The following CHMP4C variants were observed in gnomAD, a reference collection of about 807,000 sequenced individuals.
CHMP4C encodes SNF7 homolog associated with Alix 3.
In CHMP4C, 28 loss-of-function variants were observed where a neutral mutation model predicts 29.0. The ratio of observed to expected loss-of-function variants is 0.97; its 90% CI spans 0.72 to 1.32. The LOEUF is 1.32. Among genes scored for constraint, CHMP4C ranks in the 40% most tolerant of loss-of-function variants. The pLI is 0.00. For missense variants in CHMP4C, 291 were observed against 281.0 expected, an observed-to-expected ratio of 1.04 and a Z score of -0.25; for synonymous variants, 106 against 102.4, an observed-to-expected ratio of 1.04 and a Z score of -0.21.
chr8:81,754,451 C>A (rs369439407), intron 2 of CHMP4C, among the ~76,000 whole-genome samples: 11 of 152,168 alleles, frequency 7.2e-5, no homozygotes, highest in Admixed American at 4.6e-4. Context: ...TAAAAGTATT[C>A]TTTTTGATTA....
Position 81,740,194 on chromosome 8 carries a change from A to C in CHMP4C, c.190+7378A>C, listed in dbSNP as rs1808745087. The stretch of plus-strand genomic sequence containing the variant: ...TTCAGGATGGCCTTTGCATGATAGC[A>C]ACCGTGTTTCATCCGCTGAGGCGGC... On this transcript the variant is annotated intron_variant, in intron 1 of 4. Coordinates refer to ENST00000297265, the MANE Select transcript of CHMP4C (RefSeq NM_152284.4). Among the ~76,000 whole-genome samples, 3 of 152,200 alleles carry C rather than the reference A, an allele frequency of 2.0e-5. No homozygotes were observed. The South Asian group carries it at 6.2e-4, about 31-fold the overall frequency.
chr8:81,750,036 T>G (rs1463702698), intron 1 of CHMP4C, among the ~76,000 whole-genome samples: 4 of 152,142 alleles, frequency 2.6e-5, no homozygotes, highest in Non-Finnish European at 5.9e-5. Context: ...TTGGGAAATT[T>G]GCAGCCTGAT....
At position 81,733,417 on chromosome 8, in the gene CHMP4C, C is replaced by G. The variant is rs544082944; in HGVS notation, c.190+601C>G. ...CTGTATGTTTGTATATTAAATTACACATTTTAACTTGCACGTAAATCTTCA... is the reference window on the plus strand; with the variant it reads ...CTGTATGTTTGTATATTAAATTACAGATTTTAACTTGCACGTAAATCTTCA... On this transcript the variant is annotated intron_variant, in intron 1 of 4. Transcript: ENST00000297265. Among the ~76,000 whole-genome samples, 21 of 152,138 alleles carry G rather than the reference C, an allele frequency of 1.4e-4. No homozygotes were observed. In the South Asian group the frequency reaches 4.3e-3, roughly 32 times the overall value.
intron 1 of CHMP4C, among the ~76,000 whole-genome samples, chr8:81,748,680 G>A (rs577884103): frequency 2.0e-5 from 3 of 152,172 alleles, no homozygotes; most frequent in South Asian, 2.1e-4. Flanking sequence ...GCTCACACCT[G>A]TAATCCCAGC....
intron 1 of CHMP4C, among the ~76,000 whole-genome samples, chr8:81,733,748 G>C (rs1031311483): frequency 4.6e-5 from 7 of 152,180 alleles, no homozygotes; most frequent in African/African-American, 1.7e-4. Flanking sequence ...AGAAGTTGAA[G>C]TGATTTGCTC....
chr8:81,740,375 G>A (rs564014284), intron 1 of CHMP4C, among the ~76,000 whole-genome samples: 4 of 152,170 alleles, frequency 2.6e-5, no homozygotes, highest in African/African-American at 4.8e-5. Context: ...CTAGATCCTC[G>A]CATGCTCAGT....
In CHMP4C at chr8:81,732,834, C is replaced by T; in HGVS notation, c.190+18C>T. ...TAAGCGAGGTAGGCTGGGGTCTGGC[C>T]CACAGGCGGGAGCCCATCTGCCTCT... On this transcript the variant is annotated intron_variant, in intron 1 of 4. Coordinates refer to ENST00000297265, the MANE Select transcript of CHMP4C (RefSeq NM_152284.4). The T allele has an allele frequency of 6.2e-7, 1 of 1,605,438 alleles. No individual in the cohort carries two copies.
chr8:81,745,083 A>C (rs1318866680), intron 1 of CHMP4C, among the ~76,000 whole-genome samples: 1 of 152,176 alleles, frequency 6.6e-6, no homozygotes, highest in Non-Finnish European at 1.5e-5. Context: ...TTGAAAACCA[A>C]AACAATGTGC....
chr8:81,751,665 G>T (rs1214290059), intron 1 of CHMP4C, among the ~76,000 whole-genome samples: 1 of 151,838 alleles, frequency 6.6e-6, no homozygotes, highest in Non-Finnish European at 1.5e-5. Context: ...AGAACAAAAA[G>T]CATAACAAAC....
intron 1 of CHMP4C, among the ~76,000 whole-genome samples, chr8:81,737,890 C>T (rs1335472414): frequency 6.6e-6 from 1 of 152,200 alleles, no homozygotes; most frequent in East Asian, 1.9e-4. Context: ...TTCTGGAATA[C>T]CACCAAATAA....
In CHMP4C at chr8:81,758,135, T is replaced by A; in HGVS notation, c.484-7T>A. On this transcript the variant is annotated splice_polypyrimidine_tract_variant and splice_region_variant and intron_variant, in intron 3 of 4. Coordinates refer to ENST00000297265, the MANE Select transcript of CHMP4C (RefSeq NM_152284.4). ...ACTCCATAATTCTTCCTTTCTCCTGTGTTCAGGATGAGTTGATGGCAGAAC... is the reference window on the plus strand; with the variant it reads ...ACTCCATAATTCTTCCTTTCTCCTGAGTTCAGGATGAGTTGATGGCAGAAC... 6.2e-7 allele frequency: 1 copy of A among 1,613,312 alleles called. No homozygotes were observed. The highest frequency in any genetic ancestry group is 8.5e-7 in the Non-Finnish European group (1 of 1,179,512).
intron 1 of CHMP4C, among the ~76,000 whole-genome samples, chr8:81,733,798 G>A (rs1055568114): frequency 5.3e-5 from 8 of 152,184 alleles, no homozygotes; most frequent in Admixed American, 3.3e-4. Flanking sequence ...AAAAGGAAGT[G>A]GCAATATCGG....
intron 1 of CHMP4C, among the ~76,000 whole-genome samples, chr8:81,742,579 A>G (rs966604873): frequency 6.6e-6 from 1 of 152,178 alleles, no homozygotes; most frequent in Admixed American, 6.6e-5. Flanking sequence ...TTTTGGCTCT[A>G]TCACATGGTG....
intron 1 of CHMP4C, among the ~76,000 whole-genome samples, chr8:81,745,506 A>T (rs1808812059): frequency 1.3e-5 from 2 of 152,234 alleles, no homozygotes; most frequent in African/African-American, 4.8e-5. Context: ...ACATTACATG[A>T]GCAATGAAAT....
rs898342805 is a variant in CHMP4C, at chr8:81,732,474, T to C, written c.-153T>C. On this transcript the variant is annotated 5_prime_UTR_variant, in exon 1 of 5. Transcript: ENST00000297265. ...GCCAGGAAATGCCCTGGAGTGTGTG[T>C]CACCTGTCCAGGACGACTTGTTGAT... is the stretch of plus-strand genomic sequence containing the variant. 1.8e-6 allele frequency: 1 copy of C among 543,824 alleles called. No homozygotes were observed. Among genetic ancestry groups the C allele is most frequent in the Non-Finnish European group, 3.3e-6 (1 of 305,538 alleles). 33.7% of individuals were successfully genotyped at this position (543,824 alleles called of 1,614,324 possible). A position where few individuals can be genotyped will look rare whatever the true frequency, so the allele number is the denominator to read the frequency against.
Position 81,758,508 on chromosome 8 carries a change from T to G in CHMP4C, c.666T>G (p.Asp222Glu). 1 of 1,613,362 alleles carries G rather than the reference T, an allele frequency of 6.2e-7. No individual in the cohort carries two copies. Among genetic ancestry groups the G allele is most frequent in the Non-Finnish European group, 8.5e-7 (1 of 1,179,376 alleles). ...AASSQRAEEE[D>E]DDIKQLAAWA... ...CTTCCCAGAGGGCAGAAGAAGAGGA[T>G]GATGATATCAAACAATTGGCAGCTT... is the stretch of plus-strand genomic sequence containing the variant. Residue 222 changes from aspartate to glutamate, a missense_variant, in exon 5 of 5, where the codon GAT becomes GAG. Coordinates refer to ENST00000297265, the MANE Select transcript of CHMP4C (RefSeq NM_152284.4).
Position 81,732,639 on chromosome 8 carries a change from G to A in CHMP4C, c.13G>A (p.Gly5Ser). The A allele has an allele frequency of 6.4e-7, 1 of 1,552,692 alleles. No homozygotes were observed. Residue 5 changes from glycine to serine, a missense_variant, in exon 1 of 5, where the codon GGC becomes AGC. Physicochemically the swap from Gly to Ser is moderately conservative, Grantham distance 56. Coordinates refer to ENST00000297265, the MANE Select transcript of CHMP4C (RefSeq NM_152284.4). ...GAACTCCACAGCAATGAGCAAGTTG[G>A]GCAAGTTCTTTAAAGGGGGCGGCTC... is the stretch of plus-strand genomic sequence containing the variant. MSKL[G>S]KFFKGGGSSK...
intron 1 of CHMP4C, among the ~76,000 whole-genome samples, chr8:81,739,429 G>GT (rs1168072916): frequency 1.5e-5 from 2 of 134,626 alleles, no homozygotes; most frequent in Admixed American, 1.5e-4. Flanking sequence ...GGGGGGGGGT[G>GT]GAAAAAAAAA....
chr8:81,744,391 A>G (rs1255073763), intron 1 of CHMP4C, among the ~76,000 whole-genome samples: 1 of 152,142 alleles, frequency 6.6e-6, no homozygotes, highest in Non-Finnish European at 1.5e-5. Context: ...TTCTTTATTT[A>G]TCAATGTGTT....
Sources: gnomAD v4.1 joint callset for allele counts (sites outside exome capture counted in the v4.1 genomes callset) on GRCh38, gnomAD v4.1.1 for gene constraint, MANE v1.5 for transcripts, NCBI Gene and HGNC (gene_info 2026-07-23, HGNC 2026-07-21) for gene names.